The following PTPRT variants were observed in gnomAD, a reference collection of about 807,000 sequenced individuals.
PTPRT encodes the protein protein tyrosine phosphatase receptor type T.
In PTPRT, 56 loss-of-function variants were observed where a neutral mutation model predicts 176.8. The ratio of observed to expected loss-of-function variants is 0.32; its 90% CI spans 0.26 to 0.40. The LOEUF is 0.40. PTPRT is among the 10% of genes least tolerant of loss of function. PTPRT has a pLI of 1.00. For synonymous variants in PTPRT, 783 were observed against 739.0 expected, an observed-to-expected ratio of 1.06 and a Z score of -0.96; for missense variants, 1,540 against 1,908.2, an observed-to-expected ratio of 0.81 and a Z score of 3.60.
chr20:42,715,439 A>G (rs892147920), intron 6 of PTPRT, among the ~76,000 whole-genome samples: 10 of 152,350 alleles, frequency 6.6e-5, no homozygotes, highest in Admixed American at 6.5e-4. Context: ...GATAGCTAGG[A>G]AATCACAGCA....
At chr20:43,143,534 A>G (rs1380155746) in intron 1 of PTPRT, among the ~76,000 whole-genome samples, 1 of 152,212 alleles carries the variant, frequency 6.6e-6, no homozygotes, top group Non-Finnish European at 1.5e-5. Flanking sequence ...TGGGCACCAC[A>G]CATTTACAGA....
At chr20:42,808,729 T>C (rs2145610919) in intron 2 of PTPRT, among the ~76,000 whole-genome samples, 1 of 152,284 alleles carries the variant, frequency 6.6e-6, no homozygotes, top group South Asian at 2.1e-4. Context: ...CAGACCTTTA[T>C]CCACTACTGG....
chr20:42,184,014 G>A (rs1016872930), intron 16 of PTPRT, among the ~76,000 whole-genome samples: 1 of 152,094 alleles, frequency 6.6e-6, no homozygotes, highest in South Asian at 2.1e-4. Context: ...TTAGCATAGG[G>A]GTTGAATATG....
intron 1 of PTPRT, among the ~76,000 whole-genome samples, chr20:42,956,334 C>T (rs764237139): frequency 1.3e-5 from 2 of 152,112 alleles, no homozygotes; most frequent in African/African-American, 4.8e-5. Flanking sequence ...GTGCTCTCCT[C>T]GCAATAGTGA....
intron 6 of PTPRT, among the ~76,000 whole-genome samples, chr20:42,717,974 T>C (rs1007924428): frequency 6.6e-6 from 1 of 152,262 alleles, no homozygotes; most frequent in Non-Finnish European, 1.5e-5. Context: ...ACCACATACC[T>C]ACCAGAATGG....
intron 1 of PTPRT, among the ~76,000 whole-genome samples, chr20:43,057,702 A>G (rs913971861): frequency 2.0e-5 from 3 of 152,234 alleles, no homozygotes; most frequent in African/African-American, 7.2e-5. Context: ...AAAACTTAGA[A>G]TTCTTTAAAG....
chr20:42,173,728 A>G (rs1990168415), intron 16 of PTPRT, among the ~76,000 whole-genome samples: 1 of 152,194 alleles, frequency 6.6e-6, no homozygotes, highest in Non-Finnish European at 1.5e-5. Context: ...CGTGCATGGA[A>G]TCCTGGAAGT....
At chr20:42,835,931 G>A (rs965263560) in intron 2 of PTPRT, among the ~76,000 whole-genome samples, 1 of 152,148 alleles carries the variant, frequency 6.6e-6, no homozygotes, top group South Asian at 2.1e-4. Flanking sequence ...GGATTTCAGG[G>A]CACAGAGTAA....
intron 7 of PTPRT, among the ~76,000 whole-genome samples, chr20:42,477,106 T>C (rs2071303627): frequency 6.6e-6 from 1 of 152,192 alleles, no homozygotes; most frequent in Admixed American, 6.5e-5. Context: ...ATCCACTCTT[T>C]GGCCATGGCA....
intron 13 of PTPRT, among the ~76,000 whole-genome samples, chr20:42,256,373 G>A (rs1424953347): frequency 6.6e-6 from 1 of 152,050 alleles, no homozygotes; most frequent in Non-Finnish European, 1.5e-5. Context: ...GCATCCCAAG[G>A]CATTGAGAAT....
chr20:42,556,869 T>G (rs1230341128), intron 7 of PTPRT, among the ~76,000 whole-genome samples: 1 of 152,172 alleles, frequency 6.6e-6, no homozygotes, highest in East Asian at 1.9e-4. Context: ...TCAATGTTCA[T>G]GAGGAAGCTG....
intron 9 of PTPRT, among the ~76,000 whole-genome samples, chr20:42,366,023 C>G (rs1423641225): frequency 6.6e-6 from 1 of 152,222 alleles, no homozygotes; most frequent in East Asian, 1.9e-4. Context: ...GTGCTCTCTG[C>G]CCATGACTTC....
chr20:42,477,908 A>G (rs1391957530), intron 7 of PTPRT, among the ~76,000 whole-genome samples: 2 of 152,046 alleles, frequency 1.3e-5, no homozygotes, highest in African/African-American at 4.8e-5. Context: ...ACTTTGGCCC[A>G]CTTCAGACTG....
chr20:42,157,869 G>A (rs757153766), intron 17 of PTPRT, among the ~76,000 whole-genome samples: 38 of 152,162 alleles, frequency 2.5e-4, no homozygotes, highest in Non-Finnish European at 4.7e-4. Flanking sequence ...CATGGAAATC[G>A]TCCACCTATC....
intron 7 of PTPRT, among the ~76,000 whole-genome samples, chr20:42,551,426 A>C (rs772963130): frequency 2.6e-5 from 4 of 152,190 alleles, no homozygotes; most frequent in Non-Finnish European, 5.9e-5. Flanking sequence ...CCCATTAATT[A>C]GTCTAAATTT....
At chr20:42,408,727 T>C (rs184893782) in intron 9 of PTPRT, among the ~76,000 whole-genome samples, 184 of 152,002 alleles carry the variant, frequency 1.2e-3, no homozygotes, top group African/African-American at 4.2e-3. Flanking sequence ...GGAAAAAGAT[T>C]ATCTAACTAT....
intron 1 of PTPRT, among the ~76,000 whole-genome samples, chr20:43,183,572 C>A (rs912689010): frequency 1.2e-4 from 18 of 152,220 alleles, no homozygotes; most frequent in African/African-American, 3.9e-4. Context: ...CTATTCTATA[C>A]CTTTTAGGAA....
At chr20:42,885,985 C>A in intron 1 of PTPRT, 53 bp from the exon 2 acceptor site, 2 of 1,485,478 alleles carry the variant, frequency 1.3e-6, no homozygotes, top group South Asian at 1.3e-5. Flanking sequence ...AGGCTTGGTT[C>A]GTTACCTCTG....
chr20:42,305,290 G>A (rs2057528811), intron 12 of PTPRT, among the ~76,000 whole-genome samples: 1 of 150,188 alleles, frequency 6.7e-6, no homozygotes, highest in African/African-American at 2.5e-5. Context: ...GAGGCAGGTT[G>A]TAGTGAGCTG....
Sources: allele counts gnomAD v4.1 joint callset (sites outside exome capture counted in the v4.1 genomes callset), GRCh38; gene constraint gnomAD v4.1.1; transcripts MANE v1.5; gene names NCBI Gene and HGNC (gene_info 2026-07-23, HGNC 2026-07-21).